Variants in OPN1MW observed in about 807,000 individuals in gnomAD.
OPN1MW encodes the protein opsin 1, medium wave sensitive.
A neutral mutation model predicts 7.6 loss-of-function variants in OPN1MW; 1 was observed. That is an observed-to-expected ratio of 0.13 (90% CI 0.05 to 0.62). The LOEUF is 0.62. Among genes scored for constraint, OPN1MW ranks in the 20% least tolerant of loss-of-function variants. The pLI is 0.87. For synonymous variants in OPN1MW, 11 were observed against 51.7 expected (o/e 0.21, Z 3.38); for missense variants, 16 against 122.7 (o/e 0.13, Z 4.11).
chrX:154,186,643 CA>C (rs782579946), intron 1 of OPN1MW, among the ~76,000 whole-genome samples: 21,030 of 62,176 alleles, frequency 0.34, 2,062 homozygotes, highest in South Asian at 0.53. Flanking sequence ...GACTTTGTCC[CA>C]AAAAAAAAAA....
chrX:154,186,897 A>AC (rs2067107785), intron 1 of OPN1MW, among the ~76,000 whole-genome samples: 4 of 40,969 alleles, frequency 9.8e-5, no homozygotes, highest in Admixed American at 4.0e-4. Context: ...TAATTAAAAA[A>AC]AAATTTTTTT....
At position 154,193,555 on chromosome X, in the gene OPN1MW, C is replaced by G. The variant is rs201292561; in HGVS notation, c.892C>G (p.Pro298Ala). 1.1e-4 allele frequency: 114 copies of G among 1,047,119 alleles called. 6 individuals carry two copies. The highest frequency in any genetic ancestry group is 1.5e-4 in the African/African-American group (5 of 32,649). The allele number at this position is 1,047,119 out of a possible 1,213,427, so 86.3% of individuals were successfully genotyped here. ...CTTTGCTGCTGCCAACCCTGGCTAC[C>G]CCTTCCACCCTTTGATGGCTGCCCT... Reference protein sequence around the residue: ...ACFAAANPGYPFHPLMAALPA... With the variant: ...ACFAAANPGYAFHPLMAALPA... The change falls in exon 5 of 6, where the codon CCC (proline) becomes GCC (alanine). Residue 298 changes from proline (P) to alanine (A), a missense_variant. Transcript: ENST00000595290.
intron 3 of OPN1MW, among the ~76,000 whole-genome samples, chrX:154,191,294 T>C (rs1305567617): frequency 1.1e-5 from 1 of 94,899 alleles, no homozygotes; most frequent in African/African-American, 3.5e-5. Context: ...TCCAGGCTAG[T>C]CTTGAACTCC....
chrX:154,189,305 AT>A (rs2067112062), intron 2 of OPN1MW, among the ~76,000 whole-genome samples: 1 of 26,628 alleles, frequency 3.8e-5, no homozygotes, highest in African/African-American at 1.9e-4. Flanking sequence ...AAGGCAGCAA[AT>A]TATACTGAAA....
In OPN1MW at chrX:154,188,120, C is replaced by T. The variant is rs2071693; in HGVS notation, c.409+54C>T. 98 of 893,039 alleles carry T rather than the reference C, an allele frequency of 1.1e-4. 12 individuals carry two copies. Among genetic ancestry groups the T allele is most frequent in the South Asian group, 1.1e-3 (28 of 26,076 alleles). 73.6% of individuals were successfully genotyped at this position (893,039 alleles called of 1,213,427 possible). A position where few individuals can be genotyped will look rare whatever the true frequency, so the allele number is the denominator to read the frequency against. ...GAAACCACTCATTCACCCTGCAAGCCCCTCCGGCCACCTCATGATGATCGG... is the reference window on the plus strand; with the variant it reads ...GAAACCACTCATTCACCCTGCAAGCTCCTCCGGCCACCTCATGATGATCGG... On this transcript the variant is annotated intron_variant, in intron 2 of 5. Coordinates refer to ENST00000595290, the MANE Select transcript of OPN1MW (RefSeq NM_000513.2).
chrX:154,186,643 C>CAA (rs782579946), intron 1 of OPN1MW, among the ~76,000 whole-genome samples: 3 of 66,260 alleles, frequency 4.5e-5, no homozygotes, highest in African/African-American at 1.3e-4. Flanking sequence ...GACTTTGTCC[C>CAA]AAAAAAAAAA....
chrX:154,193,916 T>A (rs145531040), intron 5 of OPN1MW, among the ~76,000 whole-genome samples: 1 of 91,349 alleles, frequency 1.1e-5, no homozygotes, highest in Admixed American at 1.3e-4. Flanking sequence ...GTGTGCCGTG[T>A]GCTCTTCCCT....
chrX:154,191,254 A>AT lies in OPN1MW; in HGVS notation c.579-428dup, dbSNP rs1194932664. Among the ~76,000 whole-genome samples, 9 of 92,989 alleles carry AT rather than the reference A, an allele frequency of 9.7e-5. No homozygotes were observed. In the South Asian group the frequency reaches 1.7e-3, roughly 17 times the overall value. The allele number at this position is 92,989 out of a possible 115,157, so 80.7% of individuals were successfully genotyped here. On this transcript the variant is annotated intron_variant, in intron 3 of 5. Transcript: ENST00000595290. ...CCACTTCACCCAGCTAATTTTTTTT[A>AT]TTTTTTGTAGAGACAAGATCTCACT... is the stretch of plus-strand genomic sequence containing the variant.
At position 154,191,241 on chromosome X, in the gene OPN1MW, G is replaced by A. The variant is rs1327975756; in HGVS notation, c.579-447G>A. Among the ~76,000 whole-genome samples the A allele has an allele frequency of 2.2e-5, 2 of 91,687 alleles. 1 individual carries two copies. Among genetic ancestry groups the A allele is most frequent in the Admixed American group, 2.7e-4 (2 of 7,323 alleles). 79.6% of individuals were successfully genotyped at this position (91,687 alleles called of 115,157 possible). On this transcript the variant is annotated intron_variant, in intron 3 of 5. Coordinates refer to ENST00000595290, the MANE Select transcript of OPN1MW (RefSeq NM_000513.2). ...GCCTACAGGTGCACCACTTCACCCA[G>A]CTAATTTTTTTTATTTTTTGTAGAG...
chrX:154,191,377 C>T (rs1481394500), intron 3 of OPN1MW, among the ~76,000 whole-genome samples: 31 of 65,483 alleles, frequency 4.7e-4, no homozygotes, highest in Non-Finnish European at 8.5e-4. Context: ...TGTGCCTGGC[C>T]TATAATGGTA....
chrX:154,191,779 A>G lies in OPN1MW; in HGVS notation c.670A>G (p.Met224Val). The G allele has an allele frequency of 2.1e-5, 1 of 47,536 alleles. No individual in the cohort carries two copies. Among genetic ancestry groups the G allele is most frequent in the East Asian group, 4.3e-4 (1 of 2,344 alleles). 3.9% of individuals were successfully genotyped at this position (47,536 alleles called of 1,213,427 possible). ...PGVQSYMIVL[M>V]VTCCITPLSI... ...GGTGCAGTCTTACATGATTGTCCTCATGGTCACCTGCTGCATCACCCCACT... is the reference window on the plus strand; with the variant it reads ...GGTGCAGTCTTACATGATTGTCCTCGTGGTCACCTGCTGCATCACCCCACT... Residue 224 changes from methionine to valine, a missense_variant, in exon 4 of 6, where the codon ATG becomes GTG. By Grantham distance (21) the Met-to-Val change is conservative. Transcript: ENST00000595290.
chrX:154,186,876 CTTGT>C (rs1463649075), intron 1 of OPN1MW, among the ~76,000 whole-genome samples: 2 of 54,880 alleles, frequency 3.6e-5, no homozygotes, highest in African/African-American at 1.1e-4. Flanking sequence ...GACTCTTTTT[CTTGT>C]TTGTTTTAAT....
intron 1 of OPN1MW, among the ~76,000 whole-genome samples, chrX:154,186,867 ACT>A (rs1403164735): frequency 0.015 from 833 of 55,016 alleles, 9 homozygotes; most frequent in African/African-American, 0.04. Context: ...CACTCTAGGG[ACT>A]CTTTTTCTTG....
At chrX:154,193,764 C>A (rs2067117442) in intron 5 of OPN1MW, 117 bp downstream of exon 5, 2 of 543,343 alleles carry the variant, frequency 3.7e-6, no homozygotes, top group Non-Finnish European at 5.8e-6. Context: ...TCTGGGGGAC[C>A]CTCCAGGGAA....
Position 154,193,542 on chromosome X carries a change from C to T in OPN1MW, c.879C>T (p.Ala293=). Reference sequence around the variant, plus strand: ...CCTTCTTCGCATGCTTTGCTGCTGCCAACCCTGGCTACCCCTTCCACCCTT... The same window carrying T: ...CCTTCTTCGCATGCTTTGCTGCTGCTAACCCTGGCTACCCCTTCCACCCTT... ...PYAFFACFAA[A]NPGYPFHPLM... The change falls in exon 5 of 6, where the codon GCC becomes GCT. Residue 293 remains alanine, a synonymous_variant. Transcript: ENST00000595290. 2.9e-6 allele frequency: 3 copies of T among 1,039,368 alleles called. No individual in the cohort carries two copies. The highest frequency in any genetic ancestry group is 3.8e-6 in the Non-Finnish European group (3 of 784,361). 85.7% of individuals were successfully genotyped at this position (1,039,368 alleles called of 1,213,427 possible). A position where few individuals can be genotyped will look rare whatever the true frequency, so the allele number is the denominator to read the frequency against.
chrX:154,191,355 G>A (rs1397372414), intron 3 of OPN1MW, among the ~76,000 whole-genome samples: 5 of 79,664 alleles, frequency 6.3e-5, no homozygotes, highest in African/African-American at 2.0e-4. Flanking sequence ...TGGGACTATA[G>A]GCGTGAGCCA....
In OPN1MW at chrX:154,186,595, G is replaced by C. The variant is rs1286361385; in HGVS notation, c.113-1175G>C. On this transcript the variant is annotated intron_variant, in intron 1 of 5. Coordinates refer to ENST00000595290, the MANE Select transcript of OPN1MW (RefSeq NM_000513.2). Reference sequence around the variant, plus strand: ...GGAGTTCCACGTTGCAGTGAGCTATGATTGTGCCACTGTACTCCAGCCTGG... The same window carrying C: ...GGAGTTCCACGTTGCAGTGAGCTATCATTGTGCCACTGTACTCCAGCCTGG... Among the ~76,000 whole-genome samples, 16 of 104,342 alleles carry C rather than the reference G, an allele frequency of 1.5e-4. 1 individual carries two copies. The highest frequency in any genetic ancestry group is 8.7e-4 in the Admixed American group (8 of 9,189). The allele number at this position is 104,342 out of a possible 115,157, so 90.6% of individuals were successfully genotyped here.
At position 154,191,815 on chromosome X, in the gene OPN1MW, G is replaced by A; in HGVS notation, c.706G>A (p.Val236Met). ...CTGCATCACCCCACTCAGCATCATCGTGCTCTGCTACCTCCAAGTGTGGCT... is the reference window on the plus strand; with the variant it reads ...CTGCATCACCCCACTCAGCATCATCATGCTCTGCTACCTCCAAGTGTGGCT... ...TCCITPLSII[V>M]LCYLQVWLAI... The change falls in exon 4 of 6, where the codon GTG becomes ATG. Residue 236 changes from valine to methionine, a missense_variant. By Grantham distance (21) the Val-to-Met change is conservative (BLOSUM62 1). Coordinates refer to ENST00000595290, the MANE Select transcript of OPN1MW (RefSeq NM_000513.2). The A allele has an allele frequency of 5.5e-5, 2 of 36,080 alleles. No individual in the cohort carries two copies. The highest frequency in any genetic ancestry group is 9.5e-5 in the Non-Finnish European group (2 of 21,038). 3.0% of individuals were successfully genotyped at this position (36,080 alleles called of 1,213,427 possible).
chrX:154,191,390 T>C (rs1230873258), intron 3 of OPN1MW, among the ~76,000 whole-genome samples: 3 of 60,538 alleles, frequency 5.0e-5, no homozygotes, highest in African/African-American at 1.0e-4. Context: ...TAATGGTACA[T>C]TTTATGTGAT....
Sources: allele counts gnomAD v4.1 joint callset (sites outside exome capture counted in the v4.1 genomes callset), GRCh38; gene constraint gnomAD v4.1.1; transcripts MANE v1.5; gene names NCBI Gene and HGNC (gene_info 2026-07-23, HGNC 2026-07-21).